PDE8B: variants seen among roughly 807,000 people sequenced by gnomAD.
PDE8B encodes high affinity cAMP-specific and IBMX-insensitive 3',5'-cyclic phosphodiesterase 8B.
In PDE8B, 26 loss-of-function variants were observed where a neutral mutation model predicts 101.3. The ratio of observed to expected loss-of-function variants is 0.26; its 90% CI spans 0.19 to 0.36. The LOEUF (loss-of-function observed/expected upper bound fraction) is 0.36, where lower values mean the gene tolerates loss of function less well. PDE8B is among the 10% of genes least tolerant of loss of function. PDE8B has a pLI of 1.00. For synonymous variants in PDE8B, 424 were observed against 429.3 expected, an observed-to-expected ratio of 0.99 and a Z score of 0.15; for missense variants, 810 against 1,163.1, an observed-to-expected ratio of 0.70 and a Z score of 4.42.
chr5:77,249,709 C>T (rs781460643), intron 1 of PDE8B, among the ~76,000 whole-genome samples: 15 of 152,222 alleles, frequency 9.9e-5, no homozygotes, highest in South Asian at 2.1e-4. Flanking sequence ...GTGTTAGCGG[C>T]ATCCTGCCTT....
At chr5:77,335,312 T>C (rs529766300) in intron 5 of PDE8B, among the ~76,000 whole-genome samples, 1 of 152,230 alleles carries the variant, frequency 6.6e-6, no homozygotes, top group Non-Finnish European at 1.5e-5. Context: ...ATATAGCTTT[T>C]ATCCATCTAA....
intron 1 of PDE8B, among the ~76,000 whole-genome samples, chr5:77,247,563 C>T (rs1402223731): frequency 6.6e-6 from 1 of 152,148 alleles, no homozygotes; most frequent in African/African-American, 2.4e-5. Context: ...ATCAATATCA[C>T]TTTTATGCAG....
rs1234322626 is a variant in PDE8B, at chr5:77,259,066, A to ACCCCCCCCCCCCCCCCCCCCCCC, written c.339+47803_339+47804insCCCCCCCCCCCCCCCCCCCCCCC. On this transcript the variant is annotated intron_variant, in intron 1 of 21. Coordinates refer to ENST00000264917, the MANE Select transcript of PDE8B (RefSeq NM_003719.5). ...CACACACAGACACACACACACACAC[A>ACCCCCCCCCCCCCCCCCCCCCCC]CACCCCCGCCCCCCCCCCACACACA... Among the ~76,000 whole-genome samples, 4 of 64,722 alleles carry ACCCCCCCCCCCCCCCCCCCCCCC rather than the reference A, an allele frequency of 6.2e-5. 1 individual carries two copies. Among genetic ancestry groups the ACCCCCCCCCCCCCCCCCCCCCCC allele is most frequent in the African/African-American group, 2.4e-4 (4 of 16,334 alleles). 42.5% of individuals were successfully genotyped at this position (64,722 alleles called of 152,430 possible). A position where few individuals can be genotyped will look rare whatever the true frequency, so the allele number is the denominator to read the frequency against.
chr5:77,122,638 T>G, the PDE8B span, among the ~76,000 whole-genome samples: 2 of 152,200 alleles, frequency 1.3e-5, no homozygotes, highest in South Asian at 4.1e-4. Context: ...CATAACACCA[T>G]GTATCAGCTA....
intron 1 of PDE8B, among the ~76,000 whole-genome samples, chr5:77,253,461 A>T (rs1047169154): frequency 6.6e-6 from 1 of 152,176 alleles, no homozygotes; most frequent in Non-Finnish European, 1.5e-5. Flanking sequence ...ATTGGCAAAA[A>T]CCACTCAAAA....
chr5:77,384,161 G>T (rs906814119), intron 10 of PDE8B, among the ~76,000 whole-genome samples: 1 of 152,040 alleles, frequency 6.6e-6, no homozygotes, highest in Non-Finnish European at 1.5e-5. Flanking sequence ...TTATTTCCTT[G>T]AGCAGTGGTT....
chr5:77,197,689 A>T, the PDE8B span, among the ~76,000 whole-genome samples: 111,256 of 151,462 alleles, frequency 0.73, 42,026 homozygotes, highest in East Asian at 0.96. Context: ...CTATCAATTT[A>T]GTTAATCTTT....
upstream of PDE8B, among the ~76,000 whole-genome samples, chr5:77,205,507 G>A (rs2112261271): frequency 6.6e-6 from 1 of 151,762 alleles, no homozygotes; most frequent in African/African-American, 2.4e-5. Flanking sequence ...TCGTTTCTCT[G>A]TCTCCACCTA....
intron 1 of PDE8B, among the ~76,000 whole-genome samples, chr5:77,267,819 C>T (rs1033178306): frequency 6.6e-6 from 1 of 152,166 alleles, no homozygotes; most frequent in African/African-American, 2.4e-5. Context: ...AGATTGCTTA[C>T]AAGAGCAGTT....
the PDE8B span, chr5:77,115,147 A>G: frequency 3.3e-5 from 5 of 152,344 alleles, no homozygotes; most frequent in Middle Eastern, 3.4e-3. Flanking sequence ...AGAGAAAGAG[A>G]GTGAAAGACA....
chr5:77,169,878 G>A, the PDE8B span, among the ~76,000 whole-genome samples: 1 of 152,212 alleles, frequency 6.6e-6, no homozygotes, highest in East Asian at 1.9e-4. Flanking sequence ...GATTAGGTAT[G>A]CAAAGGGCTG....
intron 1 of PDE8B, among the ~76,000 whole-genome samples, chr5:77,263,914 A>G (rs1761138109): frequency 6.6e-6 from 1 of 152,188 alleles, no homozygotes; most frequent in African/African-American, 2.4e-5. Flanking sequence ...GAAAGCCTCT[A>G]CATTAGCAGT....
chr5:77,158,326 G>A, the PDE8B span, among the ~76,000 whole-genome samples: 3 of 152,210 alleles, frequency 2.0e-5, no homozygotes, highest in East Asian at 5.8e-4. Context: ...CTGCCACAAA[G>A]CAGAATGTCG....
chr5:77,254,173 A>G (rs1280601752), intron 1 of PDE8B, among the ~76,000 whole-genome samples: 3 of 152,152 alleles, frequency 2.0e-5, no homozygotes, highest in Admixed American at 6.5e-5. Context: ...TTGCTAAGCA[A>G]CTAGATTATA....
chr5:77,217,589 G>A (rs1470402982), intron 1 of PDE8B, among the ~76,000 whole-genome samples: 1 of 151,502 alleles, frequency 6.6e-6, no homozygotes, highest in African/African-American at 2.4e-5. Flanking sequence ...AGGCTGGAGT[G>A]CAATGGTGTG....
chr5:77,100,998 C>G, the PDE8B span, among the ~76,000 whole-genome samples: 1 of 122,292 alleles, frequency 8.2e-6, no homozygotes, highest in Admixed American at 9.7e-5. Context: ...GAGATAAGGT[C>G]TCACTCTGTT....
chr5:77,377,530 C>T (rs909466011), intron 10 of PDE8B, among the ~76,000 whole-genome samples: 3 of 152,158 alleles, frequency 2.0e-5, no homozygotes, highest in African/African-American at 7.2e-5. Flanking sequence ...CCTCTTAGAT[C>T]CTAAAAAGTA....
At chr5:77,299,541 C>T (rs187673172) in intron 1 of PDE8B, among the ~76,000 whole-genome samples, 28 of 149,806 alleles carry the variant, frequency 1.9e-4, no homozygotes, top group African/African-American at 5.7e-4. Flanking sequence ...TTTGTCCTTG[C>T]GATAGTTTGC....
chr5:77,266,918 G>C (rs1387522863), intron 1 of PDE8B, among the ~76,000 whole-genome samples: 2 of 151,704 alleles, frequency 1.3e-5, no homozygotes, highest in Non-Finnish European at 2.9e-5. Context: ...ATTATTAGGT[G>C]TTGAACTGAG....
Sources: allele counts gnomAD v4.1 joint callset (sites outside exome capture counted in the v4.1 genomes callset), GRCh38; gene constraint gnomAD v4.1.1; transcripts MANE v1.5; gene names NCBI Gene and HGNC (gene_info 2026-07-23, HGNC 2026-07-21).